FGGY: variants seen among roughly 807,000 people sequenced by gnomAD.
FGGY encodes the protein FGGY carbohydrate kinase domain-containing protein.
Under a neutral mutation model 71.3 loss-of-function variants are expected in FGGY, and 72 were observed. That is an observed-to-expected ratio of 1.01 (90% CI 0.84 to 1.23). The LOEUF (loss-of-function observed/expected upper bound fraction) is 1.23, where lower values mean the gene tolerates loss of function less well. FGGY is among the 50% of genes most tolerant of loss of function. The pLI is 0.00. For synonymous variants in FGGY, 251 were observed against 250.3 expected (o/e 1.00, Z -0.02); for missense variants, 668 against 682.3 (o/e 0.98, Z 0.23).
intron 6 of FGGY, among the ~76,000 whole-genome samples, chr1:59,510,020 C>T (rs1055245975): frequency 6.7e-6 from 1 of 148,538 alleles, no homozygotes; most frequent in African/African-American, 2.6e-5. Context: ...AAACGGTGCT[C>T]CTTTTTCTTT....
At position 59,407,165 on chromosome 1, in the gene FGGY, C is replaced by T. The variant is rs370920763; in HGVS notation, c.554+28328C>T. 3.3e-5 allele frequency among the ~76,000 whole-genome samples: 5 copies of T among 152,324 alleles called. No homozygotes were observed. The East Asian group carries it at 9.6e-4, about 29-fold the overall frequency. ...GTTGGGTCCTCCATGGCTCTGTCAT[C>T]GGCTGGTTGGTCCTGGGTCTCGAGC... is the stretch of plus-strand genomic sequence containing the variant. On this transcript the variant is annotated intron_variant, in intron 5 of 15. Transcript: ENST00000303721.
intron 5 of FGGY, among the ~76,000 whole-genome samples, chr1:59,448,940 A>C (rs2071981532): frequency 6.6e-6 from 1 of 152,170 alleles, no homozygotes; most frequent in Non-Finnish European, 1.5e-5. Context: ...AGATCCTTTC[A>C]TCACCATGGG....
At chr1:59,663,049 C>T in intron 12 of FGGY, among the ~76,000 whole-genome samples, 1 of 151,822 alleles carries the variant, frequency 6.6e-6, no homozygotes. Context: ...ATGAGGCAAA[C>T]AGGAGGGACC....
At chr1:59,549,378 G>T (rs563315385) in intron 7 of FGGY, among the ~76,000 whole-genome samples, 2 of 152,286 alleles carry the variant, frequency 1.3e-5, no homozygotes, top group East Asian at 3.9e-4. Context: ...TTCAGAGAAG[G>T]TGCCTGAGGT....
chr1:59,358,495 AC>A (rs907511976), intron 4 of FGGY, among the ~76,000 whole-genome samples: 3 of 151,144 alleles, frequency 2.0e-5, no homozygotes, highest in Non-Finnish European at 4.4e-5. Flanking sequence ...CCGCCCTGCC[AC>A]CCCCCCGCCA....
intron 14 of FGGY, among the ~76,000 whole-genome samples, chr1:59,712,951 G>C (rs1438119595): frequency 2.0e-5 from 3 of 152,158 alleles, no homozygotes; most frequent in Non-Finnish European, 2.9e-5. Context: ...GCATTGTCAG[G>C]CTGCAAATTT....
At chr1:59,590,500 G>A (rs2153788428) in intron 8 of FGGY, among the ~76,000 whole-genome samples, 1 of 152,196 alleles carries the variant, frequency 6.6e-6, no homozygotes, top group East Asian at 1.9e-4. Context: ...GAGAATTTTA[G>A]ACCAATATCC....
chr1:59,325,356 CCAACAACAGCAA>C (rs1274929308), intron 2 of FGGY, among the ~76,000 whole-genome samples: 96 of 128,808 alleles, frequency 7.5e-4, no homozygotes, highest in African/African-American at 2.9e-3. Flanking sequence ...GACTCCGTGT[CCAACAACAGCAA>C]CAACAACAAC....
intron 3 of FGGY, 27 bp from the exon 4 acceptor site, chr1:59,346,220 T>C: frequency 6.2e-7 from 1 of 1,611,932 alleles, no homozygotes; most frequent in South Asian, 1.1e-5. Context: ...TGTGTGTCCA[T>C]CTGCATCTCC....
At chr1:59,326,153 T>C (rs1245342863) in intron 2 of FGGY, among the ~76,000 whole-genome samples, 1 of 152,230 alleles carries the variant, frequency 6.6e-6, no homozygotes, top group Non-Finnish European at 1.5e-5. Context: ...ATTCTTTCAT[T>C]TAGTCTGCAA....
chr1:59,637,012 C>A (rs1437574782), intron 10 of FGGY, among the ~76,000 whole-genome samples: 1 of 152,192 alleles, frequency 6.6e-6, no homozygotes, highest in Non-Finnish European at 1.5e-5. Flanking sequence ...TATCCACTTT[C>A]TTTTGAAATC....
At chr1:59,535,086 C>A (rs1237972794) in intron 7 of FGGY, among the ~76,000 whole-genome samples, 3 of 152,248 alleles carry the variant, frequency 2.0e-5, no homozygotes, top group African/African-American at 7.2e-5. Context: ...TCAGGAAACC[C>A]ATCTCACCTG....
chr1:59,489,238 A>G (rs377765523), intron 6 of FGGY, among the ~76,000 whole-genome samples: 27 of 152,118 alleles, frequency 1.8e-4, no homozygotes, highest in African/African-American at 5.1e-4. Context: ...GAAACATTCA[A>G]TATCCTCCTA....
At chr1:59,731,099 TG>T (rs958889571) in intron 14 of FGGY, among the ~76,000 whole-genome samples, 1 of 152,176 alleles carries the variant, frequency 6.6e-6, no homozygotes, top group Non-Finnish European at 1.5e-5. Flanking sequence ...CAGAGTCTGG[TG>T]GAGGAGCAGA....
chr1:59,633,479 GGGGCAT>G (rs2096927702), intron 10 of FGGY, among the ~76,000 whole-genome samples: 1 of 152,154 alleles, frequency 6.6e-6, no homozygotes, highest in African/African-American at 2.4e-5. Flanking sequence ...TGGTGGCATA[GGGGCAT>G]GTGTAGGGAA....
chr1:59,592,337 G>T (rs550981521), intron 8 of FGGY, among the ~76,000 whole-genome samples: 1 of 152,084 alleles, frequency 6.6e-6, no homozygotes, highest in Non-Finnish European at 1.5e-5. Context: ...ACTGTTGGTG[G>T]GACTGTAAAC....
intron 3 of FGGY, among the ~76,000 whole-genome samples, chr1:59,341,644 A>G (rs1381251908): frequency 6.6e-6 from 1 of 152,150 alleles, no homozygotes; most frequent in African/African-American, 2.4e-5. Context: ...TCATTGGCTC[A>G]GTTGGCACTG....
At chr1:59,579,069 C>T (rs1392694715) in intron 8 of FGGY, among the ~76,000 whole-genome samples, 3 of 152,120 alleles carry the variant, frequency 2.0e-5, no homozygotes, top group Non-Finnish European at 4.4e-5. Context: ...GAAAATAACC[C>T]TTGACCATTT....
intron 6 of FGGY, among the ~76,000 whole-genome samples, chr1:59,457,364 A>C (rs2091810380): frequency 6.6e-6 from 1 of 152,256 alleles, no homozygotes; most frequent in South Asian, 2.1e-4. Context: ...TAATCCCAGC[A>C]CTTTGGGAAC....
Sources: gnomAD v4.1 joint callset for allele counts (sites outside exome capture counted in the v4.1 genomes callset) on GRCh38, gnomAD v4.1.1 for gene constraint, MANE v1.5 for transcripts, NCBI Gene and HGNC (gene_info 2026-07-23, HGNC 2026-07-21) for gene names.